The following DYNC2H1 variants were observed in gnomAD, a reference collection of about 807,000 sequenced individuals.
DYNC2H1 encodes the protein dynein cytoplasmic 2 heavy chain 1.
Under a neutral mutation model 570.0 loss-of-function variants are expected in DYNC2H1, and 410 were observed. That is an observed-to-expected ratio of 0.72 (90% CI 0.66 to 0.78). The LOEUF (loss-of-function observed/expected upper bound fraction) is 0.78, where lower values mean the gene tolerates loss of function less well. DYNC2H1 is among the 30% of genes least tolerant of loss of function. The pLI is 0.00. For synonymous variants in DYNC2H1, 1,688 were observed against 1,677.6 expected, an observed-to-expected ratio of 1.01 and a Z score of -0.15; for missense variants, 4,865 against 5,046.4, an observed-to-expected ratio of 0.96 and a Z score of 1.09.
chr11:103,265,866 T>C (rs906713906), intron 70 of DYNC2H1, among the ~76,000 whole-genome samples: 4 of 152,226 alleles, frequency 2.6e-5, no homozygotes, highest in African/African-American at 9.6e-5. Flanking sequence ...TTCTATTTAA[T>C]GACATTGAAT....
chr11:103,383,944 T>G (rs2671396), intron 83 of DYNC2H1, among the ~76,000 whole-genome samples: 58,411 of 152,014 alleles, frequency 0.38, 12,324 homozygotes, highest in Non-Finnish European at 0.47. Context: ...CATTCTTTAC[T>G]GTCTTGATTA....
In DYNC2H1 at chr11:103,244,348, G is replaced by T. The variant is rs1228122554; in HGVS notation, c.9918+557G>T. ...TGCAGAGGAAATTATTTTTGGTTAGGTTATTATTTTGTTAAAGGAAGACCT... is the reference window on the plus strand; with the variant it reads ...TGCAGAGGAAATTATTTTTGGTTAGTTTATTATTTTGTTAAAGGAAGACCT... On this transcript the variant is annotated intron_variant, in intron 64 of 88. Coordinates refer to ENST00000375735, the MANE Select transcript of DYNC2H1 (RefSeq NM_001377.3). The surrounding 1 kb of genome is among the most constrained non-coding windows in gnomAD (Gnocchi z 4.3). Among the ~76,000 whole-genome samples the T allele has an allele frequency of 6.6e-6, 1 of 151,678 alleles. No homozygotes were observed. The highest frequency in any genetic ancestry group is 1.5e-5 in the Non-Finnish European group (1 of 67,872).
At chr11:103,346,918 A>T (rs1406371268) in intron 82 of DYNC2H1, among the ~76,000 whole-genome samples, 1 of 152,206 alleles carries the variant, frequency 6.6e-6, no homozygotes, top group East Asian at 1.9e-4. Flanking sequence ...TGGAAGGTTG[A>T]TGGGGGTGTT....
chr11:103,282,237 A>G lies in DYNC2H1; in HGVS notation c.10812+8A>G. 1 of 1,606,674 alleles carries G rather than the reference A, an allele frequency of 6.2e-7. No homozygotes were observed. The highest frequency in any genetic ancestry group is 8.5e-7 in the Non-Finnish European group (1 of 1,177,058). ...GACATGTTACGGAAAGCTGTAAGTT[A>G]AAATAACAAAATCTATTTTGCTCTT... On this transcript the variant is annotated splice_region_variant and intron_variant, in intron 72 of 88. Coordinates refer to ENST00000375735, the MANE Select transcript of DYNC2H1 (RefSeq NM_001377.3).
intron 83 of DYNC2H1, among the ~76,000 whole-genome samples, chr11:103,368,668 G>A (rs1459144993): frequency 1.3e-5 from 2 of 152,082 alleles, no homozygotes; most frequent in Non-Finnish European, 2.9e-5. Context: ...TCCTTGCCCA[G>A]CCCAGGTACT....
chr11:103,301,025 T>G (rs1867024182), intron 75 of DYNC2H1, among the ~76,000 whole-genome samples: 1 of 151,940 alleles, frequency 6.6e-6, no homozygotes, highest in Non-Finnish European at 1.5e-5. Flanking sequence ...CACCTGGTAT[T>G]CCATCATTAA....
chr11:103,121,383 G>T lies in DYNC2H1; in HGVS notation c.1372G>T (p.Asp458Tyr). The T allele has an allele frequency of 6.2e-7, 1 of 1,605,440 alleles. No individual in the cohort carries two copies. Among genetic ancestry groups the T allele is most frequent in the Non-Finnish European group, 8.5e-7 (1 of 1,177,216 alleles). Reference protein sequence around the residue: ...LVDSIKDFRLDFENRCRGIPG... With the variant: ...LVDSIKDFRLYFENRCRGIPG... Reference sequence around the variant, plus strand: ...TTTAAATTTTATAGATTTTCGATTAGACTTTGAGAATCGGTGCCGAGGAAT... The same window carrying T: ...TTTAAATTTTATAGATTTTCGATTATACTTTGAGAATCGGTGCCGAGGAAT... The change falls in exon 10 of 89, where the codon GAC becomes TAC. Residue 458 changes from aspartate (D) to tyrosine (Y), a missense_variant. Physicochemically the swap from Asp to Tyr is radical, Grantham distance 160 (BLOSUM62 -3). Transcript: ENST00000375735.
chr11:103,117,700 T>A lies in DYNC2H1; in HGVS notation c.836T>A (p.Leu279His), dbSNP rs750973034. The A allele has an allele frequency of 2.5e-6, 4 of 1,612,710 alleles. No individual in the cohort carries two copies. In the South Asian group the frequency reaches 4.4e-5, roughly 18 times the overall value. Residue 279 changes from leucine to histidine, a missense_variant, in exon 6 of 89, where the codon CTT becomes CAT. Physicochemically the swap from Leu to His is moderately conservative, Grantham distance 99. Transcript: ENST00000375735. ...AACCTGTGGGAAGATCCTTATTATCTTGTGAAAGAAAGTCTGAAAGCTGGT... is the reference window on the plus strand; with the variant it reads ...AACCTGTGGGAAGATCCTTATTATCATGTGAAAGAAAGTCTGAAAGCTGGT... ...TLNLWEDPYY[L>H]VKESLKAGIS...
intron 84 of DYNC2H1, among the ~76,000 whole-genome samples, chr11:103,432,054 C>T (rs1272909583): frequency 6.6e-6 from 1 of 152,120 alleles, no homozygotes; most frequent in Non-Finnish European, 1.5e-5. Context: ...GAGCACCAAA[C>T]AGCAACCATG....
intron 59 of DYNC2H1, among the ~76,000 whole-genome samples, chr11:103,227,269 C>T (rs1863837668): frequency 6.6e-6 from 1 of 151,454 alleles, no homozygotes; most frequent in Non-Finnish European, 1.5e-5. Flanking sequence ...GAGGTGTGAC[C>T]TTAGATTGTC....
chr11:103,254,484 T>C lies in DYNC2H1; in HGVS notation c.10207-931T>C, dbSNP rs548703437. Among the ~76,000 whole-genome samples the C allele has an allele frequency of 6.6e-6, 1 of 152,236 alleles. No homozygotes were observed. Among genetic ancestry groups the C allele is most frequent in the African/African-American group, 2.4e-5 (1 of 41,474 alleles). On this transcript the variant is annotated intron_variant, in intron 66 of 88. Transcript: ENST00000375735. The surrounding 1 kb of genome is among the most constrained non-coding windows in gnomAD (Gnocchi z 4.9). ...CAGATAACAGCTTTAACAAATACAA[T>C]GTACATACCATACAACTTGCTGATT...
At chr11:103,309,737 G>A (rs1867486922) in intron 78 of DYNC2H1, among the ~76,000 whole-genome samples, 1 of 152,026 alleles carries the variant, frequency 6.6e-6, no homozygotes, top group Non-Finnish European at 1.5e-5. Context: ...GAGCCATGAG[G>A]GCAGGGGGTA....
intron 17 of DYNC2H1, among the ~76,000 whole-genome samples, chr11:103,137,676 G>A (rs1182395827): frequency 6.6e-6 from 1 of 151,938 alleles, no homozygotes; most frequent in Non-Finnish European, 1.5e-5. Flanking sequence ...CTCCAGCTTT[G>A]TTCTTTTGGC....
At chr11:103,281,393 A>T (rs562499101) in intron 71 of DYNC2H1, among the ~76,000 whole-genome samples, 1 of 152,070 alleles carries the variant, frequency 6.6e-6, no homozygotes, top group African/African-American at 2.4e-5. Context: ...TAAAGTATAA[A>T]CAAATTGTCA....
chr11:103,338,721 T>G (rs940725551), intron 82 of DYNC2H1, among the ~76,000 whole-genome samples: 10 of 152,234 alleles, frequency 6.6e-5, no homozygotes, highest in African/African-American at 2.4e-4. Flanking sequence ...GAATTCCTTC[T>G]CTGTGTTATC....
chr11:103,358,386 C>CTTTTGCT (rs1381165464), intron 83 of DYNC2H1, 27 bp downstream of exon 83: 3 of 1,457,412 alleles, frequency 2.1e-6, no homozygotes, highest in Non-Finnish European at 2.8e-6. Context: ...TCTTCTGATT[C>CTTTTGCT]TTTTGCTTTT....
chr11:103,432,787 A>G (rs1199594092), intron 84 of DYNC2H1, among the ~76,000 whole-genome samples: 1 of 152,112 alleles, frequency 6.6e-6, no homozygotes, highest in Non-Finnish European at 1.5e-5. Context: ...GCACTTACCT[A>G]ATAGTACACT....
intron 18 of DYNC2H1, among the ~76,000 whole-genome samples, 172 bp downstream of exon 18, chr11:103,143,567 T>A (rs1860080880): frequency 6.6e-6 from 1 of 152,068 alleles, no homozygotes; most frequent in African/African-American, 2.4e-5. Flanking sequence ...TAAAACAAGT[T>A]TTCCTTCTAG....
rs1414372691 is a variant in DYNC2H1 at position 103,228,772 on chromosome 11, C to T, written c.9354-2488C>T. Among the ~76,000 whole-genome samples the T allele has an allele frequency of 6.6e-6, 1 of 152,080 alleles. No individual in the cohort carries two copies. The highest frequency in any genetic ancestry group is 2.4e-5 in the African/African-American group (1 of 41,398). ...TGGTTAACTCTTCAGGTTTCTCAGG[C>T]GGTGGGCAGGGCCTTAGAGCTTTCA... On this transcript the variant is annotated intron_variant, in intron 59 of 88. Coordinates refer to ENST00000375735, the MANE Select transcript of DYNC2H1 (RefSeq NM_001377.3). The surrounding 1 kb of genome is among the most constrained non-coding windows in gnomAD (Gnocchi z 6.1).
Sources: allele counts gnomAD v4.1 joint callset (sites outside exome capture counted in the v4.1 genomes callset), GRCh38; gene constraint gnomAD v4.1.1; non-coding constraint Gnocchi (gnomAD v3.1); transcripts MANE v1.5; gene names NCBI Gene and HGNC (gene_info 2026-07-23, HGNC 2026-07-21).